Variants in STARD10 observed in about 807,000 individuals in gnomAD.
STARD10 encodes the protein StAR related lipid transfer domain containing 10.
In STARD10, 24 loss-of-function variants were observed where a neutral mutation model predicts 36.0. The ratio of observed to expected loss-of-function variants is 0.67; its 90% confidence interval spans 0.48 to 0.94. The LOEUF (loss-of-function observed/expected upper bound fraction) is 0.94. Among genes scored for constraint, STARD10 ranks in the 40% least tolerant of loss-of-function variants. The pLI is 0.00. For missense variants in STARD10, 335 were observed against 396.6 expected, an observed-to-expected ratio of 0.84 and a Z score of 1.32; for synonymous variants, 156 against 161.9, an observed-to-expected ratio of 0.96 and a Z score of 0.28.
chr11:72,788,862 A>AT (rs906609358), intron 1 of STARD10, among the ~76,000 whole-genome samples: 19 of 149,646 alleles, frequency 1.3e-4, no homozygotes, highest in South Asian at 2.1e-4. Context: ...CTCCCAGCCC[A>AT]TTTTTTTTTA....
intron 1 of STARD10, among the ~76,000 whole-genome samples, chr11:72,787,550 G>A (rs1859089004): frequency 6.6e-6 from 1 of 152,238 alleles, no homozygotes; most frequent in Non-Finnish European, 1.5e-5. Flanking sequence ...GGCCCAGATG[G>A]CCACACCCCG....
At chr11:72,777,671 T>C (rs111951004) in intron 2 of STARD10, among the ~76,000 whole-genome samples, 8 of 152,350 alleles carry the variant, frequency 5.3e-5, no homozygotes, top group African/African-American at 1.9e-4. Context: ...CAGGTCAGGC[T>C]GGAGGCCAGG....
At chr11:72,776,932 G>T (rs559908282) in intron 2 of STARD10, among the ~76,000 whole-genome samples, 1 of 152,282 alleles carries the variant, frequency 6.6e-6, no homozygotes, top group South Asian at 2.1e-4. Flanking sequence ...TTCCCAAAGG[G>T]GAAGGGGAGG....
At chr11:72,755,306 C>CTTTTTTTTTTTTTTTTTTTGTTTTTTTTT (rs1858628748) in intron 6 of STARD10, 164 bp from the exon 7 acceptor site, 1 of 306,634 alleles carries the variant, frequency 3.3e-6, no homozygotes, top group Admixed American at 5.9e-5. Flanking sequence ...ATTCTCCATT[C>CTTTTTTTTTTTTTTTTTTTGTTTTTTTTT]TTTTTTTTTT....
At chr11:72,777,428 T>A (rs1043952277) in intron 2 of STARD10, among the ~76,000 whole-genome samples, 5 of 152,212 alleles carry the variant, frequency 3.3e-5, no homozygotes, top group African/African-American at 7.2e-5. Context: ...GGACCCCAGC[T>A]GGCCCTGGTT....
chr11:72,758,622 T>G lies in STARD10; in HGVS notation c.367A>C (p.Lys123Gln). 1 of 1,613,562 alleles carries G rather than the reference T, an allele frequency of 6.2e-7. No homozygotes were observed. Among genetic ancestry groups the G allele is most frequent in the Non-Finnish European group, 8.5e-7 (1 of 1,179,718 alleles). ...DVGYYSWRCP[K>Q]PLKNRDVITL... ...ATGACATCACGGTTCTTCAGGGGCT[T>G]GGGACACCTCCCTGTGGGGGGCAAG... Residue 123 changes from lysine (K) to glutamine (Q), a missense_variant, in exon 4 of 7, where the codon AAG (lysine) becomes CAG (glutamine). Physicochemically the swap from Lys to Gln is moderately conservative, Grantham distance 53. Transcript: ENST00000334805.
chr11:72,780,980 T>C lies in STARD10; in HGVS notation c.202A>G (p.Ile68Val), dbSNP rs1197786649. 6 of 1,613,972 alleles carry C rather than the reference T, an allele frequency of 3.7e-6. No homozygotes were observed. The African/African-American group carries it at 6.7e-5, about 18-fold the overall frequency. ...GGTATAGCGGGCAACCCTACCTTGA[T>C]CTTGTGCAGCGTCCGATCCATCTCC... is the stretch of plus-strand genomic sequence containing the variant. ...AVEMDRTLHK[I>V]KCRMECCDVP... Residue 68 changes from isoleucine (I) to valine (V), a missense_variant, in exon 2 of 7, where the codon ATC becomes GTC. Physicochemically the swap from Ile to Val is conservative, Grantham distance 29 (BLOSUM62 3). Transcript: ENST00000334805.
chr11:72,788,656 A>C (rs1413459111), intron 1 of STARD10, among the ~76,000 whole-genome samples: 1 of 150,976 alleles, frequency 6.6e-6, no homozygotes, highest in Non-Finnish European at 1.5e-5. Flanking sequence ...ACCACCTCCC[A>C]GATTCAAGTG....
chr11:72,761,917 C>CTTTTCTTTTTTTTTTTTTTT (rs1555023007), intron 2 of STARD10, among the ~76,000 whole-genome samples: 2 of 37,478 alleles, frequency 5.3e-5, no homozygotes, highest in African/African-American at 1.2e-4. Flanking sequence ...CTTTTCTTTT[C>CTTTTCTTTTTTTTTTTTTTT]TTTTTTTTTT....
intron 2 of STARD10, among the ~76,000 whole-genome samples, chr11:72,772,011 T>TC (rs1208288349): frequency 4.6e-5 from 7 of 151,874 alleles, no homozygotes; most frequent in Non-Finnish European, 1.0e-4. Context: ...CCCCCAGAGC[T>TC]CTCCAGTAAA....
At chr11:72,772,285 G>A (rs1000543219) in intron 2 of STARD10, among the ~76,000 whole-genome samples, 3 of 150,448 alleles carry the variant, frequency 2.0e-5, no homozygotes, top group East Asian at 3.9e-4. Flanking sequence ...CCCTGTGCCC[G>A]GTGCTGCCAT....
Position 72,763,239 on chromosome 11 carries a change from G to A in STARD10, c.208-3858C>T, listed in dbSNP as rs77809920. 1.5e-3 allele frequency among the ~76,000 whole-genome samples: 235 copies of A among 152,224 alleles called. 2 individuals carry two copies. The highest frequency in any genetic ancestry group is 5.4e-3 in the African/African-American group (224 of 41,534). ...TGACCATAACTGTAGATATTCCATC[G>A]AATAAAATAGGAAACCAAAGTCTAT... is the stretch of plus-strand genomic sequence containing the variant. On this transcript the variant is annotated intron_variant, in intron 2 of 6. Transcript: ENST00000334805.
chr11:72,791,334 T>C (rs1311241217), intron 1 of STARD10, among the ~76,000 whole-genome samples: 1 of 152,152 alleles, frequency 6.6e-6, no homozygotes, highest in African/African-American at 2.4e-5. Context: ...TTGATGAAGA[T>C]GTTTGACTAC....
At chr11:72,755,357 C>T in intron 6 of STARD10, 1 of 580,696 alleles carries the variant, frequency 1.7e-6, no homozygotes, top group Non-Finnish European at 2.9e-6. Context: ...GTGGCCCAGG[C>T]TGGAGTGCAG....
intron 6 of STARD10, chr11:72,755,475 T>C (rs1858631787): frequency 1.7e-6 from 1 of 600,654 alleles, no homozygotes; most frequent in Non-Finnish European, 3.0e-6. Context: ...CACACTCAGC[T>C]AATTTTTGTA....
intron 2 of STARD10, among the ~76,000 whole-genome samples, chr11:72,761,993 T>C (rs1422541377): frequency 6.9e-6 from 1 of 144,564 alleles, no homozygotes; most frequent in East Asian, 2.2e-4. Context: ...TGACACGATC[T>C]TGGCTCACCG....
At chr11:72,776,573 G>A (rs577752265) in intron 2 of STARD10, among the ~76,000 whole-genome samples, 8 of 152,114 alleles carry the variant, frequency 5.3e-5, no homozygotes, top group Non-Finnish European at 1.5e-5. Flanking sequence ...CTCAGCCTTG[G>A]CGAGTCAAGG....
intron 6 of STARD10, 138 bp from the exon 7 acceptor site, chr11:72,755,280 C>T (rs1455744096): frequency 2.2e-6 from 2 of 912,654 alleles, no homozygotes; most frequent in African/African-American, 3.4e-5. Context: ...CTTGCCCTCC[C>T]TGGGCCCTAG....
In STARD10 at chr11:72,781,226, C is replaced by G. The variant is rs376332530; in HGVS notation, c.-45G>C. ...AGGGCCCTGGTCCTAGTCCGGCTCT[C>G]CTGGGTCCTCCGCGGAGGCTCCGAC... On this transcript the variant is annotated 5_prime_UTR_variant, in exon 2 of 7. Coordinates refer to ENST00000334805, the MANE Select transcript of STARD10 (RefSeq NM_006645.3). This position sits in a 1 kb window ranked among gnomAD's most constrained non-coding sequence, Gnocchi z 4.7. 5 of 1,557,404 alleles carry G rather than the reference C, an allele frequency of 3.2e-6. No individual in the cohort carries two copies. The Admixed American group carries it at 8.6e-5, about 27-fold the overall frequency.
Sources: gnomAD v4.1 joint callset for allele counts (sites outside exome capture counted in the v4.1 genomes callset) on GRCh38, gnomAD v4.1.1 for gene constraint, Gnocchi (gnomAD v3.1) non-coding constraint, MANE v1.5 for transcripts, NCBI Gene and HGNC (gene_info 2026-07-23, HGNC 2026-07-21) for gene names.